THSD7B: variants seen among roughly 807,000 people sequenced by gnomAD.
THSD7B encodes thrombospondin type 1 domain containing 7B.
THSD7B carries 138 observed loss-of-function variants against 213.6 expected under a neutral mutation model. The observed-to-expected ratio is 0.65, with a 90% confidence interval of 0.56 to 0.74. THSD7B has a LOEUF of 0.74. Among genes scored for constraint, THSD7B ranks in the 30% least tolerant of loss-of-function variants. The pLI is 0.00. For synonymous variants in THSD7B, 742 were observed against 687.0 expected (o/e 1.08, Z -1.25); for missense variants, 1,931 against 1,991.5 (o/e 0.97, Z 0.58).
intron 2 of THSD7B, among the ~76,000 whole-genome samples, chr2:136,912,655 T>G (rs1339546132): frequency 6.6e-6 from 1 of 152,158 alleles, no homozygotes; most frequent in Non-Finnish European, 1.5e-5. Context: ...GGGGCCAGTT[T>G]TTCCCCTGCT....
intron 21 of THSD7B, among the ~76,000 whole-genome samples, chr2:137,652,524 T>C (rs1263787404): frequency 6.6e-6 from 1 of 152,142 alleles, no homozygotes; most frequent in African/African-American, 2.4e-5. Context: ...ACACTCTATG[T>C]CTTTTAAATG....
chr2:137,199,255 A>G (rs1680830053), intron 7 of THSD7B, among the ~76,000 whole-genome samples: 1 of 152,206 alleles, frequency 6.6e-6, no homozygotes, highest in Admixed American at 6.5e-5. Context: ...TTTCTAAAAA[A>G]TATATCGAAA....
At chr2:137,029,520 A>G (rs945592638) in intron 2 of THSD7B, among the ~76,000 whole-genome samples, 1 of 152,210 alleles carries the variant, frequency 6.6e-6, no homozygotes, top group African/African-American at 2.4e-5. Flanking sequence ...ATTCAAAGAT[A>G]TACAAACATA....
chr2:136,991,591 G>A (rs960326097), intron 2 of THSD7B, among the ~76,000 whole-genome samples: 2 of 152,118 alleles, frequency 1.3e-5, no homozygotes, highest in African/African-American at 4.8e-5. Flanking sequence ...CAGCTGGGTG[G>A]TTTTCAGTGC....
At chr2:136,819,872 T>G (rs1157572668) in intron 1 of THSD7B, among the ~76,000 whole-genome samples, 4 of 152,108 alleles carry the variant, frequency 2.6e-5, no homozygotes, top group African/African-American at 9.7e-5. Flanking sequence ...TTCAGCTAAG[T>G]TGGCTCTTTG....
At chr2:137,574,787 C>A (rs1396613395) in intron 17 of THSD7B, among the ~76,000 whole-genome samples, 1 of 152,080 alleles carries the variant, frequency 6.6e-6, no homozygotes, top group Admixed American at 6.6e-5. Flanking sequence ...CATCATAGGA[C>A]AATCCCAGTC....
chr2:136,862,829 T>C (rs1215931237), intron 1 of THSD7B, among the ~76,000 whole-genome samples: 3 of 152,232 alleles, frequency 2.0e-5, no homozygotes, highest in South Asian at 4.1e-4. Context: ...TCTTTCTATA[T>C]CACATTCTCT....
chr2:137,518,580 A>G (rs1052596098), intron 15 of THSD7B, among the ~76,000 whole-genome samples: 1 of 152,210 alleles, frequency 6.6e-6, no homozygotes, highest in Admixed American at 6.5e-5. Context: ...TTTGTATCCT[A>G]TATGAGTGCT....
intron 7 of THSD7B, among the ~76,000 whole-genome samples, chr2:137,196,862 G>A (rs995581720): frequency 6.6e-6 from 1 of 152,218 alleles, no homozygotes; most frequent in East Asian, 1.9e-4. Flanking sequence ...AAACGCTTCT[G>A]GTCCCAAGCG....
intron 20 of THSD7B, among the ~76,000 whole-genome samples, chr2:137,626,846 A>T (rs962084712): frequency 6.6e-6 from 1 of 152,232 alleles, no homozygotes; most frequent in Non-Finnish European, 1.5e-5. Context: ...TGTAACAAGG[A>T]TAGTGTTTTA....
Position 137,572,393 on chromosome 2 carries a change from C to A in THSD7B, c.3273-13C>A. Reference sequence around the variant, plus strand: ...TTTAAATAATCAAACTATCTTGTGACCTTGCTTTACAGATGTGTGAATACT... The same window carrying A: ...TTTAAATAATCAAACTATCTTGTGAACTTGCTTTACAGATGTGTGAATACT... On this transcript the variant is annotated splice_polypyrimidine_tract_variant and intron_variant, in intron 16 of 27. Transcript: ENST00000409968. The A allele has an allele frequency of 1.9e-6, 3 of 1,613,428 alleles. No homozygotes were observed. Among genetic ancestry groups the A allele is most frequent in the Non-Finnish European group, 2.5e-6 (3 of 1,179,586 alleles).
At chr2:137,315,359 C>A (rs1345721815) in intron 12 of THSD7B, among the ~76,000 whole-genome samples, 2 of 152,192 alleles carry the variant, frequency 1.3e-5, no homozygotes, top group African/African-American at 4.8e-5. Flanking sequence ...CCTCGCCCTG[C>A]TTCGGCTCAT....
chr2:136,811,854 T>A (rs1303168464), intron 1 of THSD7B, among the ~76,000 whole-genome samples: 1 of 152,196 alleles, frequency 6.6e-6, no homozygotes, highest in Non-Finnish European at 1.5e-5. Flanking sequence ...GTCATGGTTG[T>A]CCTCTTTGGA....
Position 136,878,840 on chromosome 2 carries a change from C to T in THSD7B, c.-35-3304C>T, listed in dbSNP as rs1363641791. On this transcript the variant is annotated intron_variant, in intron 1 of 27. Transcript: ENST00000409968. ...AGCCCTTTGTCAGATGAGTAGATTG[C>T]AAAAATTTTCTCCCATTCTGTAGGT... Among the ~76,000 whole-genome samples the T allele has an allele frequency of 6.6e-5, 10 of 152,222 alleles. No homozygotes were observed. The East Asian group carries it at 1.2e-3, about 18-fold the overall frequency.
chr2:136,936,535 T>C (rs551603048), intron 2 of THSD7B, among the ~76,000 whole-genome samples: 12 of 152,286 alleles, frequency 7.9e-5, no homozygotes, highest in African/African-American at 2.6e-4. Flanking sequence ...CTGGATGGGA[T>C]TGGAGACTAT....
chr2:136,824,780 T>C (rs1682617637), intron 1 of THSD7B, among the ~76,000 whole-genome samples: 1 of 152,200 alleles, frequency 6.6e-6, no homozygotes, highest in Non-Finnish European at 1.5e-5. Flanking sequence ...AGATGCATGC[T>C]AACTCCCTAG....
chr2:137,325,921 A>G (rs1428216072), intron 12 of THSD7B, among the ~76,000 whole-genome samples: 1 of 152,166 alleles, frequency 6.6e-6, no homozygotes, highest in Admixed American at 6.5e-5. Context: ...GTGTTGCCAT[A>G]ACATCTAAAG....
At position 137,325,814 on chromosome 2, in the gene THSD7B, T is replaced by A. The variant is rs1043070634; in HGVS notation, c.2500+49788T>A. Among the ~76,000 whole-genome samples, 96 of 152,240 alleles carry A rather than the reference T, an allele frequency of 6.3e-4. 1 individual carries two copies. The highest frequency in any genetic ancestry group is 1.5e-4 in the Non-Finnish European group (10 of 68,038). ...ACTACGCAGAACTCAAGACTTGGTGTCTGCTTCGCAGTGCTTCTGATTCTC... is the reference window on the plus strand; with the variant it reads ...ACTACGCAGAACTCAAGACTTGGTGACTGCTTCGCAGTGCTTCTGATTCTC... On this transcript the variant is annotated intron_variant, in intron 12 of 27. Transcript: ENST00000409968.
intron 26 of THSD7B, among the ~76,000 whole-genome samples, chr2:137,664,037 A>G (rs1213776831): frequency 6.6e-6 from 1 of 152,128 alleles, no homozygotes; most frequent in Non-Finnish European, 1.5e-5. Flanking sequence ...TATTTTTAGT[A>G]GAGATGAGTT....
Sources: gnomAD v4.1 joint callset for allele counts (sites outside exome capture counted in the v4.1 genomes callset) on GRCh38, gnomAD v4.1.1 for gene constraint, MANE v1.5 for transcripts, NCBI Gene and HGNC (gene_info 2026-07-23, HGNC 2026-07-21) for gene names.